The following ASTN2 variants were observed in gnomAD, a reference collection of about 807,000 sequenced individuals.
The protein encoded by ASTN2 is astrotactin-2.
Under a neutral mutation model 139.8 loss-of-function variants are expected in ASTN2, and 54 were observed. The observed-to-expected ratio is 0.39, with a 90% CI of 0.31 to 0.48. The LOEUF is 0.48. ASTN2 is among the 20% of genes least tolerant of loss of function. The pLI is 0.95. For missense variants in ASTN2, 1,565 were observed against 1,725.1 expected (o/e 0.91, Z 1.64); for synonymous variants, 756 against 719.5 (o/e 1.05, Z -0.81).
chr9:117,225,351 G>A (rs1194428993), intron 2 of ASTN2, among the ~76,000 whole-genome samples: 1 of 151,464 alleles, frequency 6.6e-6, no homozygotes, highest in Non-Finnish European at 1.5e-5. Flanking sequence ...CTGAAGGACG[G>A]GTGAATGGAG....
chr9:117,094,418 C>G (rs1043342481), intron 5 of ASTN2, among the ~76,000 whole-genome samples: 8 of 152,112 alleles, frequency 5.3e-5, no homozygotes, highest in Admixed American at 2.6e-4. Context: ...CTATAAATAG[C>G]CCAGGCCTGC....
At chr9:116,745,338 T>C (rs1829205797) in intron 13 of ASTN2, among the ~76,000 whole-genome samples, 2 of 152,200 alleles carry the variant, frequency 1.3e-5, no homozygotes, top group Non-Finnish European at 2.9e-5. Flanking sequence ...TGTGAACTCC[T>C]TCCAGGCAGC....
chr9:117,007,814 C>G (rs758153808), intron 7 of ASTN2, among the ~76,000 whole-genome samples: 56 of 151,984 alleles, frequency 3.7e-4, no homozygotes, highest in Non-Finnish European at 6.3e-4. Context: ...GCTCTGAATG[C>G]AGGGATATCT....
At chr9:117,402,332 C>T (rs1347500748) in intron 1 of ASTN2, among the ~76,000 whole-genome samples, 2 of 152,220 alleles carry the variant, frequency 1.3e-5, no homozygotes, top group African/African-American at 4.8e-5. Flanking sequence ...CTCCAAAGAG[C>T]TGGGATTACA....
At chr9:116,965,654 C>T (rs1352759987) in intron 10 of ASTN2, among the ~76,000 whole-genome samples, 1 of 152,194 alleles carries the variant, frequency 6.6e-6, no homozygotes, top group East Asian at 1.9e-4. Flanking sequence ...CTGAGCTGAT[C>T]TCTTTCCCTT....
At chr9:117,234,964 T>C (rs947462114) in intron 2 of ASTN2, among the ~76,000 whole-genome samples, 8 of 152,236 alleles carry the variant, frequency 5.3e-5, no homozygotes, top group Non-Finnish European at 1.2e-4. Context: ...CTGGGCGCAG[T>C]GGCTCACGCC....
chr9:116,874,509 A>C (rs1380953982), intron 10 of ASTN2, among the ~76,000 whole-genome samples: 1 of 152,210 alleles, frequency 6.6e-6, no homozygotes, highest in Non-Finnish European at 1.5e-5. Context: ...AGAGAAAATG[A>C]TTGTAATGTC....
chr9:117,181,873 T>C (rs539160911), intron 3 of ASTN2, among the ~76,000 whole-genome samples: 1 of 152,328 alleles, frequency 6.6e-6, no homozygotes, highest in East Asian at 1.9e-4. Context: ...CTGCTCACCT[T>C]AAGCAAGAGG....
chr9:116,502,333 G>C (rs1390697208), intron 19 of ASTN2, among the ~76,000 whole-genome samples: 2 of 151,554 alleles, frequency 1.3e-5, no homozygotes, highest in Non-Finnish European at 2.9e-5. Flanking sequence ...AGAGAGAGGA[G>C]AGAGAGAGAG....
At chr9:117,403,288 T>TA (rs1238048002) in intron 1 of ASTN2, among the ~76,000 whole-genome samples, 2 of 152,132 alleles carry the variant, frequency 1.3e-5, no homozygotes, top group African/African-American at 2.4e-5. Context: ...CTGCTGGCTG[T>TA]AAAAGTCTTG....
chr9:116,960,558 G>T (rs1274028750), intron 10 of ASTN2, among the ~76,000 whole-genome samples: 1 of 151,634 alleles, frequency 6.6e-6, no homozygotes, highest in East Asian at 1.9e-4. Context: ...TGCTATTGGG[G>T]GTTGGATAGT....
At chr9:116,687,105 G>C in intron 16 of ASTN2, 7 of 1,161,700 alleles carry the variant, frequency 6.0e-6, no homozygotes, top group Non-Finnish European at 7.5e-6. Flanking sequence ...CATGGGCGTC[G>C]GTTTCTTCAT....
At chr9:116,438,247 T>C (rs575972982) in intron 22 of ASTN2, among the ~76,000 whole-genome samples, 1 of 152,354 alleles carries the variant, frequency 6.6e-6, no homozygotes, top group Non-Finnish European at 1.5e-5. Flanking sequence ...TTTCTTACCT[T>C]GACACCTATA....
chr9:116,633,063 C>T (rs189171748), intron 17 of ASTN2, among the ~76,000 whole-genome samples: 41 of 152,314 alleles, frequency 2.7e-4, no homozygotes, highest in Admixed American at 2.0e-3. Flanking sequence ...GCTCAGTCAT[C>T]GGGGCAATAG....
intron 2 of ASTN2, among the ~76,000 whole-genome samples, chr9:117,284,335 G>A (rs1282832010): frequency 6.6e-6 from 1 of 152,162 alleles, no homozygotes; most frequent in Non-Finnish European, 1.5e-5. Flanking sequence ...AAACTCCTGA[G>A]CTCAGGTGAT....
chr9:116,428,202 C>T (rs757088834), intron 22 of ASTN2, among the ~76,000 whole-genome samples: 6 of 152,120 alleles, frequency 3.9e-5, no homozygotes, highest in Non-Finnish European at 5.9e-5. Context: ...ATGTGTTGAG[C>T]CTCCTAAATG....
chr9:117,042,789 C>A (rs1401000828), intron 5 of ASTN2, among the ~76,000 whole-genome samples: 1 of 152,080 alleles, frequency 6.6e-6, no homozygotes, highest in African/African-American at 2.4e-5. Flanking sequence ...AACCTATTAC[C>A]CCACCCTAAT....
intron 19 of ASTN2, chr9:116,569,008 A>C (rs4836763): frequency 6.6e-6 from 1 of 152,100 alleles, no homozygotes; most frequent in Admixed American, 6.5e-5. Flanking sequence ...GGTTGGTCCA[A>C]GGAACAGTAG....
At chr9:117,368,128 A>G (rs548211345) in intron 1 of ASTN2, among the ~76,000 whole-genome samples, 15 of 152,248 alleles carry the variant, frequency 9.9e-5, no homozygotes, top group Middle Eastern at 3.4e-3. Flanking sequence ...GCAACTAAGG[A>G]TAAGGGATTC....
Sources: allele counts gnomAD v4.1 joint callset (sites outside exome capture counted in the v4.1 genomes callset), GRCh38; gene constraint gnomAD v4.1.1; transcripts MANE v1.5; gene names NCBI Gene and HGNC (gene_info 2026-07-23, HGNC 2026-07-21).